The following ACSM1 variants were observed in gnomAD, a reference collection of about 807,000 sequenced individuals.
ACSM1 encodes the protein acyl-coenzyme A synthetase ACSM1, mitochondrial.
Under a neutral mutation model 75.8 loss-of-function variants are expected in ACSM1, and 79 were observed. The ratio of observed to expected loss-of-function variants is 1.04; its 90% CI spans 0.87 to 1.26. The LOEUF (loss-of-function observed/expected upper bound fraction) is 1.26. ACSM1 is among the 50% of genes most tolerant of loss of function. ACSM1 has a pLI of 0.00. For missense variants in ACSM1, 676 were observed against 720.1 expected, an observed-to-expected ratio of 0.94 and a Z score of 0.70; for synonymous variants, 279 against 265.8, an observed-to-expected ratio of 1.05 and a Z score of -0.48.
intron 10 of ACSM1, among the ~76,000 whole-genome samples, chr16:20,627,881 T>TAC (rs2017072892): frequency 6.2e-4 from 5 of 8,124 alleles, no homozygotes; most frequent in African/African-American, 1.8e-3. Flanking sequence ...TATATATATA[T>TAC]ATATATATAT....
At chr16:20,644,491 C>G (rs535133552) in intron 7 of ACSM1, among the ~76,000 whole-genome samples, 3 of 151,832 alleles carry the variant, frequency 2.0e-5, no homozygotes, top group Admixed American at 2.0e-4. Context: ...CTAGGAGGAA[C>G]TCCATTCAAG....
At chr16:20,632,178 C>T (rs1177402725) in intron 10 of ACSM1, among the ~76,000 whole-genome samples, 1 of 151,908 alleles carries the variant, frequency 6.6e-6, no homozygotes, top group Non-Finnish European at 1.5e-5. Context: ...CTTTAGGGAA[C>T]CAGAATAAGA....
intron 6 of ACSM1, among the ~76,000 whole-genome samples, chr16:20,664,738 G>C (rs1439209928): frequency 6.6e-6 from 1 of 152,018 alleles, no homozygotes. Context: ...TTCTAAAATT[G>C]ACCACAGGTT....
intron 4 of ACSM1, among the ~76,000 whole-genome samples, chr16:20,673,068 T>C (rs1239790081): frequency 6.8e-6 from 1 of 146,264 alleles, no homozygotes; most frequent in African/African-American, 2.5e-5. Context: ...TTATATGATA[T>C]ATATACTTAT....
chr16:20,629,442 A>G (rs112993573), intron 10 of ACSM1, among the ~76,000 whole-genome samples: 1,593 of 152,356 alleles, frequency 0.01, 36 homozygotes, highest in African/African-American at 0.036. Flanking sequence ...TAAACAAAAG[A>G]AAATCAGAAG....
chr16:20,642,497 G>A (rs1178837416), intron 7 of ACSM1, among the ~76,000 whole-genome samples: 1 of 152,192 alleles, frequency 6.6e-6, no homozygotes, highest in African/African-American at 2.4e-5. Flanking sequence ...GAAGGCTAGA[G>A]CCAAGGGAGA....
intron 1 of ACSM1, among the ~76,000 whole-genome samples, chr16:20,694,727 T>C (rs550067559): frequency 6.6e-6 from 1 of 152,198 alleles, no homozygotes; most frequent in African/African-American, 2.4e-5. Context: ...CCCATGAATG[T>C]ATGTGGTGAA....
intron 9 of ACSM1, 36 bp downstream of exon 9, chr16:20,637,335 C>A (rs374723433): frequency 6.3e-7 from 1 of 1,583,640 alleles, no homozygotes; most frequent in Non-Finnish European, 8.7e-7. Flanking sequence ...CCCGCTGAGC[C>A]CTAACTGCTC....
intron 1 of ACSM1, among the ~76,000 whole-genome samples, chr16:20,692,385 T>A (rs1161378269): frequency 1.3e-5 from 2 of 152,210 alleles, no homozygotes; most frequent in Non-Finnish European, 2.9e-5. Context: ...GCTTCCAGGC[T>A]ATAGGTAAAT....
intron 8 of ACSM1, 51 bp from the exon 9 acceptor site, chr16:20,637,502 C>CA: frequency 6.8e-7 from 1 of 1,464,154 alleles, no homozygotes; most frequent in Non-Finnish European, 9.6e-7. Flanking sequence ...CCAGGCTGAT[C>CA]ACAAAGCAGT....
chr16:20,685,199 G>T lies in ACSM1; in HGVS notation c.397C>A (p.Arg133=). 4 of 1,614,154 alleles carry T rather than the reference G, an allele frequency of 2.5e-6. No homozygotes were observed. Among genetic ancestry groups the T allele is most frequent in the Non-Finnish European group, 3.4e-6 (4 of 1,180,008 alleles). Residue 133 remains arginine, a synonymous_variant, in exon 3 of 14, where the codon CGA becomes AGA. Transcript: ENST00000520010. The part of the protein sequence containing the change: ...EWWLVAVGCM[R]TGIIFIPATI... ...TCCCTCTTGCATCACTGACCTGTTC[G>T]CATGCAGCCCACAGCCACCAGCCAC...
At chr16:20,665,007 G>T (rs1441392609) in intron 6 of ACSM1, among the ~76,000 whole-genome samples, 1 of 152,090 alleles carries the variant, frequency 6.6e-6, no homozygotes, top group Non-Finnish European at 1.5e-5. Flanking sequence ...AATGTTAGAG[G>T]AAAGTTTATA....
chr16:20,642,116 GTATA>G (rs2018096874), intron 7 of ACSM1, among the ~76,000 whole-genome samples: 1 of 152,150 alleles, frequency 6.6e-6, no homozygotes, highest in Admixed American at 6.6e-5. Context: ...TTTTTAAAAA[GTATA>G]TAAAGATGGA....
chr16:20,636,846 G>C lies in ACSM1; in HGVS notation c.1198-6C>G. The stretch of plus-strand genomic sequence containing the variant: ...CTGCCCTTGTCATCAATGACCTGTA[G>C]CAAGAGGCCTGTGAATCATACACTG... On this transcript the variant is annotated splice_region_variant and splice_polypyrimidine_tract_variant and intron_variant, in intron 9 of 13. Transcript: ENST00000520010. 1 of 1,611,278 alleles carries C rather than the reference G, an allele frequency of 6.2e-7. No individual in the cohort carries two copies. Among genetic ancestry groups the C allele is most frequent in the Non-Finnish European group, 8.5e-7 (1 of 1,177,818 alleles).
chr16:20,667,341 A>T (rs1254851675), intron 6 of ACSM1, among the ~76,000 whole-genome samples: 2 of 152,168 alleles, frequency 1.3e-5, no homozygotes, highest in Non-Finnish European at 2.9e-5. Context: ...CAATTAAAAA[A>T]TGGGCAAAGT....
intron 4 of ACSM1, among the ~76,000 whole-genome samples, chr16:20,676,488 G>C (rs1008015172): frequency 6.6e-6 from 1 of 152,196 alleles, no homozygotes; most frequent in Non-Finnish European, 1.5e-5. Context: ...CACAGCATTT[G>C]TAAGGCAGGC....
At chr16:20,681,233 C>T (rs1383451305) in intron 4 of ACSM1, 1 of 152,160 alleles carries the variant, frequency 6.6e-6, no homozygotes, top group Non-Finnish European at 1.5e-5. Flanking sequence ...ACAAGCAACA[C>T]AAATGAGAAA....
chr16:20,663,778 G>A (rs1039768274), intron 6 of ACSM1, among the ~76,000 whole-genome samples: 6 of 152,160 alleles, frequency 3.9e-5, no homozygotes, highest in African/African-American at 1.4e-4. Flanking sequence ...AGCTCATATT[G>A]CTCTTCTCCT....
chr16:20,660,936 G>A (rs993318754), intron 7 of ACSM1, among the ~76,000 whole-genome samples: 1 of 152,134 alleles, frequency 6.6e-6, no homozygotes, highest in African/African-American at 2.4e-5. Context: ...AATACCAAAT[G>A]TTGGCAGGAA....
Sources: allele counts gnomAD v4.1 joint callset (sites outside exome capture counted in the v4.1 genomes callset), GRCh38; gene constraint gnomAD v4.1.1; transcripts MANE v1.5; gene names NCBI Gene and HGNC (gene_info 2026-07-23, HGNC 2026-07-21).